PTPRD: variants seen among roughly 807,000 people sequenced by gnomAD.
The protein encoded by PTPRD is protein tyrosine phosphatase receptor type D, also known as receptor-type tyrosine-protein phosphatase delta.
A neutral mutation model predicts 214.5 loss-of-function variants in PTPRD; 34 were observed. The observed-to-expected ratio is 0.16, with a 90% CI of 0.12 to 0.21. The LOEUF is 0.21. Ranked by LOEUF, PTPRD falls within the 10% of genes least tolerant of loss-of-function variation. PTPRD has a pLI of 1.00. For missense variants in PTPRD, 2,545 were observed against 2,398.7 expected (o/e 1.06, Z -1.27); for synonymous variants, 1,128 against 845.7 (o/e 1.33, Z -5.79).
At chr9:9,290,357 C>T (rs532028979) in intron 9 of PTPRD, among the ~76,000 whole-genome samples, 11 of 151,594 alleles carry the variant, frequency 7.3e-5, no homozygotes, top group African/African-American at 1.7e-4. Flanking sequence ...TAGATATTAA[C>T]GCCTTGTCAT....
chr9:9,438,529 G>A (rs2144107426), intron 8 of PTPRD, among the ~76,000 whole-genome samples: 1 of 152,232 alleles, frequency 6.6e-6, no homozygotes, highest in East Asian at 1.9e-4. Context: ...GTTCACAAAG[G>A]AATCTAAATG....
chr9:8,542,244 G>A (rs1221689025), intron 14 of PTPRD, among the ~76,000 whole-genome samples: 2 of 152,160 alleles, frequency 1.3e-5, no homozygotes, highest in Non-Finnish European at 1.5e-5. Flanking sequence ...AGTGTATGTC[G>A]CTTATCACAA....
intron 9 of PTPRD, among the ~76,000 whole-genome samples, chr9:9,376,200 T>C (rs1381815434): frequency 1.3e-5 from 2 of 152,112 alleles, no homozygotes; most frequent in Admixed American, 1.3e-4. Context: ...AAAGTCTTCA[T>C]TCAAAATCAT....
intron 6 of PTPRD, among the ~76,000 whole-genome samples, chr9:9,754,090 T>C (rs1813139372): frequency 6.6e-6 from 1 of 152,064 alleles, no homozygotes; most frequent in African/African-American, 2.4e-5. Flanking sequence ...CTAGACATAT[T>C]AAATATTAAA....
At chr9:9,356,075 G>A (rs929827850) in intron 9 of PTPRD, among the ~76,000 whole-genome samples, 12 of 151,474 alleles carry the variant, frequency 7.9e-5, no homozygotes, top group Admixed American at 5.9e-4. Context: ...CCTAACTATA[G>A]CAGTTTTAAG....
rs1342504299 is a variant in PTPRD at position 8,338,952 on chromosome 9, G to A, written c.5349C>T (p.Ile1783=). 2 of 1,611,862 alleles carry A rather than the reference G, an allele frequency of 1.2e-6. No homozygotes were observed. Among genetic ancestry groups the A allele is most frequent in the East Asian group, 2.2e-5 (1 of 44,816 alleles). ...CATCTGTGACCTTGAATTCCCTTAG[G>A]ATATACTGTGGCATGTTGTACTCAG... ...PMAEYNMPQY[I]LREFKVTDAR... The change falls in exon 43 of 46, where the codon ATC becomes ATT. Residue 1783 remains isoleucine (I), a synonymous_variant. Coordinates refer to ENST00000381196, the MANE Select transcript of PTPRD (RefSeq NM_002839.4).
chr9:9,381,984 A>C (rs1300789955), intron 9 of PTPRD, among the ~76,000 whole-genome samples: 1 of 152,028 alleles, frequency 6.6e-6, no homozygotes, highest in Non-Finnish European at 1.5e-5. Context: ...GCACATTTTA[A>C]AAACACCAAA....
intron 12 of PTPRD, among the ~76,000 whole-genome samples, chr9:8,710,164 C>A (rs1416868459): frequency 2.6e-5 from 4 of 152,036 alleles, no homozygotes; most frequent in Non-Finnish European, 4.4e-5. Context: ...AAGCTTTTTT[C>A]CTGGCAATAG....
chr9:8,618,337 G>A (rs1021377571), intron 14 of PTPRD, among the ~76,000 whole-genome samples: 1 of 151,990 alleles, frequency 6.6e-6, no homozygotes, highest in Non-Finnish European at 1.5e-5. Flanking sequence ...ATAGGTAAAG[G>A]GCTTGGTACC....
At chr9:9,792,433 CT>C (rs2153476132) in intron 5 of PTPRD, among the ~76,000 whole-genome samples, 1 of 152,244 alleles carries the variant, frequency 6.6e-6, no homozygotes, top group South Asian at 2.1e-4. Context: ...ACTTATAGCA[CT>C]CTTTTTTTGT....
intron 2 of PTPRD, among the ~76,000 whole-genome samples, chr9:10,424,780 G>A (rs55874125): frequency 0.068 from 10,337 of 151,858 alleles, 1,202 homozygotes; most frequent in African/African-American, 0.23. Context: ...AAACTAAAAC[G>A]AAAACCCTGC....
intron 9 of PTPRD, among the ~76,000 whole-genome samples, chr9:9,296,057 G>C (rs576721113): frequency 1.3e-5 from 2 of 151,658 alleles, no homozygotes; most frequent in Admixed American, 6.6e-5. Context: ...TGATCTCATC[G>C]GGCACATTCT....
At chr9:8,979,740 A>C (rs2154339371) in intron 11 of PTPRD, among the ~76,000 whole-genome samples, 1 of 152,226 alleles carries the variant, frequency 6.6e-6, no homozygotes, top group Non-Finnish European at 1.5e-5. Flanking sequence ...AGAGATAACA[A>C]ATGTTGGTGA....
chr9:8,786,001 C>G (rs2095937947), intron 11 of PTPRD, among the ~76,000 whole-genome samples: 1 of 151,640 alleles, frequency 6.6e-6, no homozygotes, highest in South Asian at 2.1e-4. Context: ...TAACAAACAC[C>G]AGACAGGCAG....
chr9:9,839,405 A>G (rs1330226711), intron 5 of PTPRD, among the ~76,000 whole-genome samples: 4 of 152,202 alleles, frequency 2.6e-5, no homozygotes, highest in African/African-American at 9.7e-5. Context: ...TTACACACCA[A>G]TAACAGACAA....
intron 8 of PTPRD, among the ~76,000 whole-genome samples, chr9:9,434,728 C>T (rs374177065): frequency 1.3e-5 from 2 of 151,814 alleles, no homozygotes; most frequent in Non-Finnish European, 1.5e-5. Flanking sequence ...TACAACAAAT[C>T]GTACCCCATA....
chr9:9,971,129 G>A (rs2095073834), intron 4 of PTPRD, among the ~76,000 whole-genome samples: 1 of 151,926 alleles, frequency 6.6e-6, no homozygotes, highest in African/African-American at 2.4e-5. Context: ...GTATTCAAAA[G>A]GAGAAATATT....
chr9:9,680,695 A>G (rs2097049601), intron 7 of PTPRD, among the ~76,000 whole-genome samples: 1 of 151,616 alleles, frequency 6.6e-6, no homozygotes, highest in South Asian at 2.1e-4. Context: ...CCCTCCCACC[A>G]TCTCCTCCTA....
At chr9:9,891,186 C>G (rs1037664581) in intron 5 of PTPRD, among the ~76,000 whole-genome samples, 53 of 152,204 alleles carry the variant, frequency 3.5e-4, no homozygotes, top group African/African-American at 1.2e-3. Context: ...ATGTATACAT[C>G]TCCTGTTCTC....
Sources: gnomAD v4.1 joint callset for allele counts (sites outside exome capture counted in the v4.1 genomes callset) on GRCh38, gnomAD v4.1.1 for gene constraint, MANE v1.5 for transcripts, NCBI Gene and HGNC (gene_info 2026-07-23, HGNC 2026-07-21) for gene names.